The following NCOA2 variants were observed in gnomAD, a reference collection of about 807,000 sequenced individuals.
NCOA2 encodes class E basic helix-loop-helix protein 75.
A neutral mutation model predicts 145.1 loss-of-function variants in NCOA2; 21 were observed. The ratio of observed to expected loss-of-function variants is 0.14; its 90% CI spans 0.10 to 0.21. NCOA2 has a LOEUF of 0.21. NCOA2 is among the 10% of genes least tolerant of loss of function. The pLI, the probability that NCOA2 is intolerant of heterozygous loss-of-function variation, is 1.00. For missense variants in NCOA2, 1,472 were observed against 1,837.6 expected, an observed-to-expected ratio of 0.80 and a Z score of 3.64; for synonymous variants, 619 against 637.5, an observed-to-expected ratio of 0.97 and a Z score of 0.44.
the NCOA2 span, among the ~76,000 whole-genome samples, chr8:70,421,815 C>T: frequency 3.3e-5 from 5 of 151,864 alleles, no homozygotes; most frequent in Non-Finnish European, 7.4e-5. Context: ...AAAATATATG[C>T]CAGGCGCAGT....
At chr8:70,300,333 A>AT (rs1260521718) in intron 1 of NCOA2, among the ~76,000 whole-genome samples, 5 of 152,210 alleles carry the variant, frequency 3.3e-5, no homozygotes, top group African/African-American at 1.2e-4. Context: ...GCAAAAAAAA[A>AT]TTTTAATGTT....
At chr8:70,345,672 G>A (rs552292884) in intron 1 of NCOA2, among the ~76,000 whole-genome samples, 140 of 152,276 alleles carry the variant, frequency 9.2e-4, no homozygotes, top group Middle Eastern at 3.4e-3. Flanking sequence ...GCAAATCACA[G>A]ATTTTTTTTA....
At chr8:70,387,162 T>C (rs1812743726) in intron 1 of NCOA2, among the ~76,000 whole-genome samples, 1 of 152,338 alleles carries the variant, frequency 6.6e-6, no homozygotes, top group African/African-American at 2.4e-5. Flanking sequence ...TATAAACTTT[T>C]TGAAAAATTA....
At chr8:70,385,763 A>G (rs1391822434) in intron 1 of NCOA2, among the ~76,000 whole-genome samples, 2 of 152,238 alleles carry the variant, frequency 1.3e-5, no homozygotes, top group African/African-American at 4.8e-5. Flanking sequence ...AACATATTCC[A>G]ATAGAATGTT....
At chr8:70,178,810 G>A (rs567169320) in intron 4 of NCOA2, among the ~76,000 whole-genome samples, 5 of 152,318 alleles carry the variant, frequency 3.3e-5, no homozygotes, top group East Asian at 1.9e-4. Context: ...AGGTGGAGAC[G>A]GATGTGTGGC....
At chr8:70,223,863 C>A (rs1820376445) in intron 2 of NCOA2, among the ~76,000 whole-genome samples, 1 of 152,246 alleles carries the variant, frequency 6.6e-6, no homozygotes, top group Non-Finnish European at 1.5e-5. Context: ...TTGACACTTT[C>A]ACTGAAGAGA....
intron 2 of NCOA2, among the ~76,000 whole-genome samples, chr8:70,288,659 G>T (rs907038128): frequency 6.6e-6 from 1 of 151,454 alleles, no homozygotes; most frequent in African/African-American, 2.4e-5. Context: ...ACACATTACG[G>T]TTTAAAGGAA....
At chr8:70,303,827 T>C (rs1266265650) in intron 1 of NCOA2, among the ~76,000 whole-genome samples, 1 of 152,136 alleles carries the variant, frequency 6.6e-6, no homozygotes, top group Non-Finnish European at 1.5e-5. Context: ...CAGAAATTAA[T>C]CTTTCTTAAA....
At chr8:70,369,903 T>G (rs762116250) in intron 1 of NCOA2, among the ~76,000 whole-genome samples, 1 of 151,610 alleles carries the variant, frequency 6.6e-6, no homozygotes, top group Non-Finnish European at 1.5e-5. Context: ...GATTATAAAC[T>G]GAGTATTTTA....
intron 6 of NCOA2, among the ~76,000 whole-genome samples, chr8:70,167,727 A>G (rs762510826): frequency 3.3e-5 from 5 of 152,260 alleles, no homozygotes; most frequent in Non-Finnish European, 7.3e-5. Context: ...AAAACTAAAA[A>G]AAGTATATAT....
At chr8:70,295,308 G>A (rs1421118283) in intron 2 of NCOA2, among the ~76,000 whole-genome samples, 2 of 152,126 alleles carry the variant, frequency 1.3e-5, no homozygotes, top group Admixed American at 6.5e-5. Flanking sequence ...GCAGGTAGTG[G>A]GAAAATATTA....
In NCOA2 at chr8:70,157,112, G is replaced by A. The variant is rs1812386217; in HGVS notation, c.1253C>T (p.Thr418Ile). The change falls in exon 11 of 23, where the codon ACC becomes ATC. Residue 418 changes from threonine to isoleucine, a missense_variant. Around this residue, in one of 4 missense-constraint regions of NCOA2, gnomAD observed 953 missense variants for 1,062.1 expected, o/e 0.90. Coordinates refer to ENST00000452400, the MANE Select transcript of NCOA2 (RefSeq NM_006540.4). Reference protein sequence around the residue: ...LCSGNPGQDMTLSSNINFPIN... With the variant: ...LCSGNPGQDMILSSNINFPIN... ...GGGAAAATTTATATTGCTACTGAGG[G>A]TCATGTCCTGACCTGGGTTCCCACT... 1 of 1,613,850 alleles carries A rather than the reference G, an allele frequency of 6.2e-7. No homozygotes were observed. The highest frequency in any genetic ancestry group is 1.1e-5 in the South Asian group (1 of 91,092).
intron 2 of NCOA2, among the ~76,000 whole-genome samples, chr8:70,229,922 G>A (rs1404323036): frequency 2.0e-5 from 3 of 152,166 alleles, no homozygotes; most frequent in East Asian, 1.9e-4. Flanking sequence ...AACACATAGT[G>A]TTATCTTCCT....
the NCOA2 span, among the ~76,000 whole-genome samples, chr8:70,448,266 T>G: frequency 6.6e-6 from 1 of 152,210 alleles, no homozygotes; most frequent in African/African-American, 2.4e-5. Flanking sequence ...TAGCTATGGA[T>G]ATCTTGCTTC....
intron 13 of NCOA2, 26 bp from the exon 14 acceptor site, chr8:70,141,425 G>C: frequency 6.3e-7 from 1 of 1,592,356 alleles, no homozygotes; most frequent in African/African-American, 1.3e-5. Context: ...AGAAAACTGA[G>C]AGATGCAGTA....
At chr8:70,442,347 G>A in the NCOA2 span, among the ~76,000 whole-genome samples, 6 of 151,920 alleles carry the variant, frequency 3.9e-5, no homozygotes, top group Non-Finnish European at 8.8e-5. Flanking sequence ...ACTTCCTCAG[G>A]TTATCTTAGT....
intron 1 of NCOA2, among the ~76,000 whole-genome samples, chr8:70,346,749 T>A (rs1456800790): frequency 6.6e-6 from 1 of 152,204 alleles, no homozygotes; most frequent in Non-Finnish European, 1.5e-5. Flanking sequence ...AAGATGTAGC[T>A]AACAAGTACT....
intron 2 of NCOA2, among the ~76,000 whole-genome samples, chr8:70,250,555 G>A (rs1269823240): frequency 2.0e-5 from 3 of 152,092 alleles, no homozygotes; most frequent in East Asian, 1.9e-4. Flanking sequence ...GGGCATCGGC[G>A]AGACCCCATT....
chr8:70,279,272 T>C (rs755854176), intron 2 of NCOA2, among the ~76,000 whole-genome samples: 3 of 152,170 alleles, frequency 2.0e-5, no homozygotes, highest in Non-Finnish European at 4.4e-5. Context: ...GTTTATTTCC[T>C]ACCTTTTTTT....
Sources: gnomAD v4.1 joint callset for allele counts (sites outside exome capture counted in the v4.1 genomes callset) on GRCh38, gnomAD v4.1.1 for gene constraint, gnomAD v4.1.1 regional missense constraint, MANE v1.5 for transcripts, NCBI Gene and HGNC (gene_info 2026-07-23, HGNC 2026-07-21) for gene names.